Variants in EFCAB13 observed in about 807,000 individuals in gnomAD.
EFCAB13 encodes EF-hand calcium binding domain 13.
EFCAB13 carries 91 observed loss-of-function variants against 110.2 expected under a neutral mutation model. The observed-to-expected ratio is 0.83, with a 90% confidence interval of 0.70 to 0.98. The LOEUF is 0.98. EFCAB13 is among the 50% of genes least tolerant of loss of function. EFCAB13 has a pLI of 0.00. For synonymous variants in EFCAB13, 323 were observed against 369.9 expected (o/e 0.87, Z 1.45); for missense variants, 968 against 1,119.4 (o/e 0.86, Z 1.93).
At chr17:47,393,678 T>G (rs1439819851) in intron 15 of EFCAB13, among the ~76,000 whole-genome samples, 2 of 151,022 alleles carry the variant, frequency 1.3e-5, no homozygotes. Flanking sequence ...ATTGCACCGC[T>G]GCACTCTAGC....
chr17:47,365,458 T>C (rs182099505), intron 10 of EFCAB13, among the ~76,000 whole-genome samples: 10 of 152,232 alleles, frequency 6.6e-5, no homozygotes, highest in Admixed American at 3.3e-4. Flanking sequence ...AACACCTAGA[T>C]TGAGCAAAAA....
rs2065512822 is a variant in EFCAB13, at chr17:47,361,500, A to G, written c.784A>G (p.Thr262Ala). The change falls in exon 10 of 25, where the codon ACA becomes GCA. Residue 262 changes from threonine (T) to alanine (A), a missense_variant. Transcript: ENST00000331493. ...AAACCGTGAAATTTTAGAAGAAGTG[A>G]CAAAACATACCTATATTGACAGTGA... ...PINREILEEV[T>A]KHTYIDSNHM... 1 of 1,596,900 alleles carries G rather than the reference A, an allele frequency of 6.3e-7. No individual in the cohort carries two copies. The highest frequency in any genetic ancestry group is 8.5e-7 in the Non-Finnish European group (1 of 1,172,164).
chr17:47,425,311 T>C (rs973222226), intron 23 of EFCAB13, among the ~76,000 whole-genome samples: 11 of 152,194 alleles, frequency 7.2e-5, no homozygotes, highest in Non-Finnish European at 1.5e-4. Flanking sequence ...GTTTCTCAGC[T>C]TTTTGATGAA....
chr17:47,403,205 T>C (rs1016542279), intron 18 of EFCAB13, among the ~76,000 whole-genome samples: 3 of 152,226 alleles, frequency 2.0e-5, no homozygotes, highest in African/African-American at 7.2e-5. Flanking sequence ...CTAATTTTAT[T>C]CTATAAATAT....
At chr17:47,371,738 TG>T (rs1325412188) in intron 11 of EFCAB13, among the ~76,000 whole-genome samples, 1 of 152,008 alleles carries the variant, frequency 6.6e-6, no homozygotes, top group Non-Finnish European at 1.5e-5. Flanking sequence ...CTCAGCCTCT[TG>T]AGTAGCTGGG....
chr17:47,404,366 T>G (rs569346856), intron 19 of EFCAB13, among the ~76,000 whole-genome samples, 196 bp from the exon 20 acceptor site: 1 of 152,290 alleles, frequency 6.6e-6, no homozygotes, highest in Non-Finnish European at 1.5e-5. Context: ...GTTCCCATTA[T>G]AGGTAGAATC....
At chr17:47,357,118 G>T (rs1195141407) in intron 9 of EFCAB13, among the ~76,000 whole-genome samples, 5 of 152,140 alleles carry the variant, frequency 3.3e-5, no homozygotes, top group Non-Finnish European at 7.3e-5. Context: ...TTCCAGGCAG[G>T]CGGTGAGCAG....
In EFCAB13 at chr17:47,394,118, T is replaced by C. The variant is rs778415015; in HGVS notation, c.1801+19T>C. Reference sequence around the variant, plus strand: ...AAATTAGGTACGTAAGAATATCATGTCTTCTGCTTTTTGTGGACCAAATAG... The same window carrying C: ...AAATTAGGTACGTAAGAATATCATGCCTTCTGCTTTTTGTGGACCAAATAG... On this transcript the variant is annotated intron_variant, in intron 16 of 24. Transcript: ENST00000331493. 2 of 1,458,436 alleles carry C rather than the reference T, an allele frequency of 1.4e-6. No homozygotes were observed. The highest frequency in any genetic ancestry group is 4.6e-5 in the Admixed American group (2 of 43,398). 90.3% of individuals were successfully genotyped at this position (1,458,436 alleles called of 1,614,324 possible). A position where few individuals can be genotyped will look rare whatever the true frequency, so the allele number is the denominator to read the frequency against.
intron 3 of EFCAB13, 140 bp from the exon 4 acceptor site, chr17:47,328,129 C>T (rs1283177441): frequency 5.9e-6 from 3 of 506,176 alleles, no homozygotes; most frequent in African/African-American, 2.0e-5. Context: ...TAGTGTTTGC[C>T]CACATATCTG....
chr17:47,427,504 C>T (rs10514929), intron 23 of EFCAB13, among the ~76,000 whole-genome samples: 12,740 of 151,960 alleles, frequency 0.084, 702 homozygotes, highest in East Asian at 0.28. Context: ...ATCTTCATAG[C>T]GTTAATTCCT....
chr17:47,351,899 G>GTTTTTT (rs762050927), intron 9 of EFCAB13, among the ~76,000 whole-genome samples: 1 of 121,510 alleles, frequency 8.2e-6, no homozygotes, highest in Admixed American at 8.5e-5. Context: ...TTTTCATGTA[G>GTTTTTT]TTTTTTTTTT....
At chr17:47,439,850 T>C (rs1373617272) in intron 24 of EFCAB13, among the ~76,000 whole-genome samples, 1 of 150,266 alleles carries the variant, frequency 6.7e-6, no homozygotes, top group Non-Finnish European at 1.5e-5. Flanking sequence ...ATATCTGAGA[T>C]TTTTTTTTTC....
At chr17:47,406,519 A>G (rs1306422450) in intron 20 of EFCAB13, among the ~76,000 whole-genome samples, 2 of 152,184 alleles carry the variant, frequency 1.3e-5, no homozygotes, top group Non-Finnish European at 2.9e-5. Context: ...ATAGTTCCCT[A>G]GTTCATTAGA....
intron 3 of EFCAB13, among the ~76,000 whole-genome samples, chr17:47,327,763 C>G (rs561435197): frequency 6.6e-6 from 1 of 152,294 alleles, no homozygotes; most frequent in South Asian, 2.1e-4. Context: ...CCTACACCAT[C>G]TTTTGTTTGC....
Position 47,380,880 on chromosome 17 carries a change from CT to C in EFCAB13, c.1582+1647del, listed in dbSNP as rs751480738. On this transcript the variant is annotated intron_variant, in intron 14 of 24. Coordinates refer to ENST00000331493, the MANE Select transcript of EFCAB13 (RefSeq NM_152347.5). The stretch of plus-strand genomic sequence containing the variant: ...TTGTTGGCCGCATAAATTGCTTCTT[CT>C]TTTTTTTTTTTTTTTTTTTGAGACA... 9.7e-3 allele frequency among the ~76,000 whole-genome samples: 1,190 copies of C among 122,892 alleles called. 7 individuals carry two copies. The highest frequency in any genetic ancestry group is 0.028 in the African/African-American group (919 of 32,944). 80.6% of individuals were successfully genotyped at this position (122,892 alleles called of 152,430 possible).
At chr17:47,435,824 G>A (rs1372697957) in intron 24 of EFCAB13, among the ~76,000 whole-genome samples, 4 of 152,190 alleles carry the variant, frequency 2.6e-5, no homozygotes, top group East Asian at 1.9e-4. Flanking sequence ...GTACTATGTT[G>A]AAGAGGAGTG....
chr17:47,399,761 T>TA (rs1426687079), intron 17 of EFCAB13, among the ~76,000 whole-genome samples: 38 of 152,110 alleles, frequency 2.5e-4, no homozygotes, highest in Middle Eastern at 3.4e-3. Flanking sequence ...TATTTAAAAT[T>TA]AAAAAATAAT....
At chr17:47,433,075 C>T (rs1195787271) in intron 24 of EFCAB13, among the ~76,000 whole-genome samples, 1 of 152,178 alleles carries the variant, frequency 6.6e-6, no homozygotes, top group Admixed American at 6.5e-5. Context: ...ATGCATTTAG[C>T]TGTCATGTCT....
chr17:47,333,219 A>G (rs2065330130), intron 4 of EFCAB13, among the ~76,000 whole-genome samples: 1 of 152,178 alleles, frequency 6.6e-6, no homozygotes, highest in African/African-American at 2.4e-5. Context: ...ACAAACCTAT[A>G]GGCCATTCGT....
Sources: gnomAD v4.1 joint callset for allele counts (sites outside exome capture counted in the v4.1 genomes callset) on GRCh38, gnomAD v4.1.1 for gene constraint, MANE v1.5 for transcripts, NCBI Gene and HGNC (gene_info 2026-07-23, HGNC 2026-07-21) for gene names.